The following MORN1 variants were observed in gnomAD, a reference collection of about 807,000 sequenced individuals.
MORN1 encodes the protein MORN repeat containing 1.
Under a neutral mutation model 61.9 loss-of-function variants are expected in MORN1, and 67 were observed. The observed-to-expected ratio is 1.08, with a 90% confidence interval of 0.89 to 1.33. The LOEUF (loss-of-function observed/expected upper bound fraction) is 1.33. Ranked by LOEUF, MORN1 falls within the 40% of genes most tolerant of loss-of-function variation. The pLI is 0.00. For missense variants in MORN1, 752 were observed against 691.2 expected (o/e 1.09, Z -0.99); for synonymous variants, 301 against 292.0 (o/e 1.03, Z -0.31).
chr1:2,386,618 G>C (rs1028318787), intron 4 of MORN1: 3 of 152,508 alleles, frequency 2.0e-5, no homozygotes, highest in Admixed American at 1.3e-4. Context: ...TAGTAGAGTC[G>C]GAGTTTCACC....
intron 13 of MORN1, among the ~76,000 whole-genome samples, chr1:2,321,850 C>T (rs1640888025): frequency 2.0e-5 from 3 of 152,212 alleles, no homozygotes; most frequent in African/African-American, 4.8e-5. Context: ...CCAGCTATGG[C>T]CTCCAGCTCG....
At chr1:2,362,088 C>T (rs997221440) in intron 8 of MORN1, among the ~76,000 whole-genome samples, 12 of 151,802 alleles carry the variant, frequency 7.9e-5, no homozygotes, top group South Asian at 2.1e-4. Flanking sequence ...AAATATCAGC[C>T]GGGCGTGGTG....
chr1:2,357,325 G>T lies in MORN1; in HGVS notation c.1036+107C>A, dbSNP rs1038938978. 7.9e-6 allele frequency: 10 copies of T among 1,269,232 alleles called. No individual in the cohort carries two copies. Among genetic ancestry groups the T allele is most frequent in the Middle Eastern group, 2.5e-4 (1 of 4,072 alleles). The allele number at this position is 1,269,232 out of a possible 1,614,324, so 78.6% of individuals were successfully genotyped here. On this transcript the variant is annotated intron_variant, in intron 10 of 13. Coordinates refer to ENST00000378531, the MANE Select transcript of MORN1 (RefSeq NM_024848.3). This position sits in a 1 kb window ranked among gnomAD's most constrained non-coding sequence, Gnocchi z 6.3. ...ACGCGTGATGACTGACCCTGGGTGC[G>T]GCTTGCTCCTGCTCTGGCCTGGTTC... is the stretch of plus-strand genomic sequence containing the variant.
chr1:2,331,748 C>T (rs996571480), intron 12 of MORN1, among the ~76,000 whole-genome samples: 4 of 152,166 alleles, frequency 2.6e-5, no homozygotes, highest in Non-Finnish European at 4.4e-5. Flanking sequence ...AACAAAGGCG[C>T]GCGTTTCTCC....
At chr1:2,378,860 G>A in intron 6 of MORN1, 1 of 446,852 alleles carries the variant, frequency 2.2e-6, no homozygotes. Context: ...TGGTGGGGGT[G>A]CTCGTGGCCC....
rs555120409 is a variant in MORN1, at chr1:2,323,039, G to A, written c.1297+1058C>T. 185 of 985,458 alleles carry A rather than the reference G, an allele frequency of 1.9e-4. No individual in the cohort carries two copies. The African/African-American group carries it at 2.4e-3, about 13-fold the overall frequency. 61.0% of individuals were successfully genotyped at this position (985,458 alleles called of 1,614,324 possible). A position where few individuals can be genotyped will look rare whatever the true frequency, so the allele number is the denominator to read the frequency against. On this transcript the variant is annotated intron_variant, in intron 13 of 13. Transcript: ENST00000378531. ...GCTCCTCACCCCCAGGGCTGTCTCC[G>A]CCGAGCACATAAACCCTGGCCGAGC...
At chr1:2,379,628 C>T (rs574679787) in intron 6 of MORN1, among the ~76,000 whole-genome samples, 97 of 152,190 alleles carry the variant, frequency 6.4e-4, no homozygotes, top group African/African-American at 2.0e-3. Flanking sequence ...AGGGGGAGAC[C>T]GGGTGCGCAG....
chr1:2,359,163 C>T (rs1002202094), intron 8 of MORN1, among the ~76,000 whole-genome samples: 1 of 152,150 alleles, frequency 6.6e-6, no homozygotes, highest in African/African-American at 2.4e-5. Flanking sequence ...CTGGCACTCA[C>T]AAGCTCCCGG....
At chr1:2,388,534 C>T in intron 2 of MORN1, 197 bp from the exon 3 acceptor site, 1 of 539,706 alleles carries the variant, frequency 1.9e-6, no homozygotes, top group Non-Finnish European at 3.3e-6. Context: ...GCTTGAGCGG[C>T]CGGCGCCTTC....
chr1:2,391,195 C>A (rs1642651062), intron 1 of MORN1, among the ~76,000 whole-genome samples: 1 of 152,172 alleles, frequency 6.6e-6, no homozygotes, highest in South Asian at 2.1e-4. Flanking sequence ...ACCCGGTCTT[C>A]CCGGCTAGGA....
At chr1:2,355,870 G>A (rs1388900826) in intron 10 of MORN1, among the ~76,000 whole-genome samples, 1 of 152,232 alleles carries the variant, frequency 6.6e-6, no homozygotes, top group African/African-American at 2.4e-5. Flanking sequence ...TGGGGTCTGC[G>A]GCACCCTTGG....
At chr1:2,379,323 G>A in intron 6 of MORN1, 1 of 371,028 alleles carries the variant, frequency 2.7e-6, no homozygotes, top group Non-Finnish European at 5.5e-6. Flanking sequence ...AGTCTTTTCA[G>A]AACATAAAAT....
intron 5 of MORN1, chr1:2,385,565 G>GGGGGGGGTT (rs1553224895): frequency 3.7e-6 from 1 of 268,112 alleles, no homozygotes; most frequent in Non-Finnish European, 6.9e-6. Flanking sequence ...GGGGGGGGAT[G>GGGGGGGGTT]TTTTATCTAA....
chr1:2,375,980 G>A (rs1360412515), intron 6 of MORN1: 1 of 152,328 alleles, frequency 6.6e-6, no homozygotes, highest in Non-Finnish European at 1.5e-5. Flanking sequence ...GGCAACTACA[G>A]TGGATGGGGG....
chr1:2,367,776 C>T (rs961281793), intron 8 of MORN1, among the ~76,000 whole-genome samples: 12 of 152,062 alleles, frequency 7.9e-5, no homozygotes, highest in African/African-American at 2.4e-4. Context: ...TACAGGCACC[C>T]GCCACTATGC....
chr1:2,384,276 C>T (rs1241543686), intron 6 of MORN1, among the ~76,000 whole-genome samples: 1 of 152,166 alleles, frequency 6.6e-6, no homozygotes, highest in Admixed American at 6.5e-5. Flanking sequence ...CCCGCACATC[C>T]AACCTGTCAA....
rs1641225446 is a variant in MORN1, at chr1:2,334,543, C to T, written c.1250+1926G>A. ...GCGGGGCTCCCTTGGGGGAGCAGGC[C>T]TGGTTTTGGGCTGCCTGTCCCAACA... On this transcript the variant is annotated intron_variant, in intron 12 of 13. Coordinates refer to ENST00000378531, the MANE Select transcript of MORN1 (RefSeq NM_024848.3). This position sits in a 1 kb window ranked among gnomAD's most constrained non-coding sequence, Gnocchi z 5.4. Among the ~76,000 whole-genome samples the T allele has an allele frequency of 1.3e-5, 2 of 152,016 alleles. No homozygotes were observed. Among genetic ancestry groups the T allele is most frequent in the Admixed American group, 1.3e-4 (2 of 15,274 alleles).
chr1:2,369,008 G>C (rs1367466416), intron 8 of MORN1, among the ~76,000 whole-genome samples: 4 of 149,790 alleles, frequency 2.7e-5, no homozygotes, highest in Non-Finnish European at 1.5e-5. Flanking sequence ...AGTGAGCTGA[G>C]ATTGCACCAC....
chr1:2,345,524 T>G lies in MORN1; in HGVS notation c.1037-8674A>C, dbSNP rs559922158. Among the ~76,000 whole-genome samples the G allele has an allele frequency of 1.2e-4, 18 of 152,178 alleles. 2 individuals are homozygous for G. In the South Asian group the frequency reaches 3.5e-3, roughly 30 times the overall value. ...ACCCCCTGCCCTGCCAGCCGGACCC[T>G]CAGGCCGCTCAGAGGGCCAGTCCCA... is the stretch of plus-strand genomic sequence containing the variant. On this transcript the variant is annotated intron_variant, in intron 10 of 13. Coordinates refer to ENST00000378531, the MANE Select transcript of MORN1 (RefSeq NM_024848.3).
Sources: gnomAD v4.1 joint callset for allele counts (sites outside exome capture counted in the v4.1 genomes callset) on GRCh38, gnomAD v4.1.1 for gene constraint, Gnocchi (gnomAD v3.1) non-coding constraint, MANE v1.5 for transcripts, NCBI Gene and HGNC (gene_info 2026-07-23, HGNC 2026-07-21) for gene names.